The following ARHGAP32 variants were observed in gnomAD, a reference collection of about 807,000 sequenced individuals.
ARHGAP32 encodes Rho GTPase activating protein 32, also known as rho GTPase-activating protein 32.
A neutral mutation model predicts 186.5 loss-of-function variants in ARHGAP32; 51 were observed. The ratio of observed to expected loss-of-function variants is 0.27; its 90% CI spans 0.22 to 0.35. The LOEUF is 0.35. ARHGAP32 is among the 10% of genes least tolerant of loss of function. The pLI is 1.00. For missense variants in ARHGAP32, 2,186 were observed against 2,623.5 expected, an observed-to-expected ratio of 0.83 and a Z score of 3.64; for synonymous variants, 950 against 964.3, an observed-to-expected ratio of 0.99 and a Z score of 0.27.
chr11:128,996,616 T>C (rs1946207381), intron 12 of ARHGAP32, among the ~76,000 whole-genome samples: 1 of 151,880 alleles, frequency 6.6e-6, no homozygotes, highest in African/African-American at 2.4e-5. Context: ...AAAACTGCTA[T>C]TTAATTATCT....
Position 128,971,152 on chromosome 11 carries a change from C to T in ARHGAP32, c.4061G>A (p.Gly1354Glu). 1 of 1,606,734 alleles carries T rather than the reference C, an allele frequency of 6.2e-7. No homozygotes were observed. ...TGGCCTCTCTGGAACTGGAACTACT[C>T]CTTGAACCTATTGAAAGATGATAAT... ...IGLNNSHKVQGVVPVPERPPE... is the reference protein window; with the variant it reads ...IGLNNSHKVQEVVPVPERPPE... The change falls in exon 23 of 23, where the codon GGA becomes GAA. Residue 1354 changes from glycine (G) to glutamate (E), a missense_variant. By Grantham distance (98) the Gly-to-Glu change is moderately conservative. This residue lies in a region of ARHGAP32 where 1,502 missense variants were observed against 1,570.0 expected (regional missense o/e 0.96). Coordinates refer to ENST00000682385, the MANE Select transcript of ARHGAP32 (RefSeq NM_001378024.1).
chr11:129,144,623 G>A (rs546934428), intron 2 of ARHGAP32, among the ~76,000 whole-genome samples: 2 of 152,252 alleles, frequency 1.3e-5, no homozygotes, highest in Admixed American at 6.5e-5. Context: ...CAAAGAAGGT[G>A]ACAGGTAAAT....
chr11:128,975,121 A>T, intron 20 of ARHGAP32, 119 bp from the exon 21 acceptor site: 2 of 825,238 alleles, frequency 2.4e-6, no homozygotes, highest in Non-Finnish European at 3.7e-6. Flanking sequence ...GTTACTTCTC[A>T]TTTTCTTTCT....
At chr11:129,132,463 G>T in intron 2 of ARHGAP32, among the ~76,000 whole-genome samples, 1 of 150,866 alleles carries the variant, frequency 6.6e-6, no homozygotes, top group Non-Finnish European at 1.5e-5. Flanking sequence ...GAGCAACAGA[G>T]CAAGATCAGG....
At chr11:129,239,072 A>G (rs767745841) in intron 1 of ARHGAP32, among the ~76,000 whole-genome samples, 12 of 151,794 alleles carry the variant, frequency 7.9e-5, no homozygotes, top group Non-Finnish European at 8.8e-5. Flanking sequence ...CTGGTCTCAA[A>G]CCCCTGGGCT....
At chr11:129,276,146 A>G (rs1184691025) in intron 1 of ARHGAP32, among the ~76,000 whole-genome samples, 1 of 152,242 alleles carries the variant, frequency 6.6e-6, no homozygotes, top group African/African-American at 2.4e-5. Flanking sequence ...GCAGTAGCTC[A>G]CAGTCTCAAT....
chr11:129,162,201 A>T (rs1943545314), intron 2 of ARHGAP32, among the ~76,000 whole-genome samples: 1 of 152,142 alleles, frequency 6.6e-6, no homozygotes, highest in African/African-American at 2.4e-5. Flanking sequence ...TGAAGGTGAC[A>T]GGTGGATGGG....
chr11:128,992,590 A>G (rs1946089773), intron 12 of ARHGAP32, among the ~76,000 whole-genome samples: 1 of 152,094 alleles, frequency 6.6e-6, no homozygotes, highest in Non-Finnish European at 1.5e-5. Flanking sequence ...CAGCCTGGCC[A>G]ATATGGTGAA....
rs1940634810 is a variant in ARHGAP32 at position 129,064,891 on chromosome 11, C to A, written c.712G>T (p.Ala238Ser). 1 of 1,598,832 alleles carries A rather than the reference C, an allele frequency of 6.3e-7. No homozygotes were observed. Among genetic ancestry groups the A allele is most frequent in the African/African-American group, 1.3e-5 (1 of 74,614 alleles). ...MLMAYLSRLS[A>S]IAGNKINCGP... is the part of the protein sequence containing the mutation. Reference sequence around the variant, plus strand: ...CAGTTGATCTTGTTGCCAGCGATAGCTGAAAGGCGTGACAGGTAAGCCATA... The same window carrying A: ...CAGTTGATCTTGTTGCCAGCGATAGATGAAAGGCGTGACAGGTAAGCCATA... Residue 238 changes from alanine to serine, a missense_variant, in exon 8 of 23, where the codon GCT (alanine) becomes TCT (serine). Physicochemically the swap from Ala to Ser is moderately conservative, Grantham distance 99. Transcript: ENST00000682385.
intron 12 of ARHGAP32, among the ~76,000 whole-genome samples, chr11:128,996,582 T>A (rs879518468): frequency 3.3e-5 from 5 of 152,176 alleles, no homozygotes; most frequent in Non-Finnish European, 7.3e-5. Context: ...TTATATTCAG[T>A]ATGATGAAGT....
At chr11:129,006,505 C>T (rs1046883815) in intron 11 of ARHGAP32, among the ~76,000 whole-genome samples, 4 of 152,122 alleles carry the variant, frequency 2.6e-5, no homozygotes, top group South Asian at 2.1e-4. Flanking sequence ...TGGTGGTCTT[C>T]GATAAGATCC....
At chr11:129,271,492 A>C (rs1464379005) in intron 1 of ARHGAP32, among the ~76,000 whole-genome samples, 1 of 151,980 alleles carries the variant, frequency 6.6e-6, no homozygotes, top group Non-Finnish European at 1.5e-5. Flanking sequence ...AGGAAGAGTA[A>C]TTCATAGCCC....
At chr11:129,165,159 A>G (rs1214075233) in intron 1 of ARHGAP32, among the ~76,000 whole-genome samples, 1 of 152,164 alleles carries the variant, frequency 6.6e-6, no homozygotes, top group Non-Finnish European at 1.5e-5. Context: ...TGCCCCCAAA[A>G]AAGACCTAAA....
chr11:129,265,829 G>C (rs1945391023), intron 1 of ARHGAP32, among the ~76,000 whole-genome samples: 2 of 152,264 alleles, frequency 1.3e-5, no homozygotes, highest in South Asian at 4.1e-4. Context: ...AAATGAGTTT[G>C]AGGTGACCAT....
chr11:129,023,328 T>C (rs1938684083), intron 11 of ARHGAP32, among the ~76,000 whole-genome samples: 1 of 152,132 alleles, frequency 6.6e-6, no homozygotes, highest in Non-Finnish European at 1.5e-5. Context: ...GAACCATACT[T>C]GAAGGGAAAA....
intron 21 of ARHGAP32, 29 bp downstream of exon 21, chr11:128,974,095 A>G (rs1260912248): frequency 6.2e-6 from 10 of 1,606,790 alleles, no homozygotes; most frequent in Non-Finnish European, 7.7e-6. Flanking sequence ...TCTTAACTTA[A>G]AGAAAGAATG....
intron 2 of ARHGAP32, among the ~76,000 whole-genome samples, chr11:129,160,308 A>T (rs1943502576): frequency 6.6e-6 from 1 of 152,178 alleles, no homozygotes; most frequent in South Asian, 2.1e-4. Context: ...GAGGAAGTCA[A>T]ATTGTCTCTG....
intron 10 of ARHGAP32, among the ~76,000 whole-genome samples, chr11:129,060,771 C>A (rs1435859773): frequency 2.0e-5 from 3 of 151,452 alleles, no homozygotes; most frequent in Non-Finnish European, 4.4e-5. Context: ...AAAATAAAAA[C>A]CAGAATTCTT....
intron 11 of ARHGAP32, among the ~76,000 whole-genome samples, chr11:129,018,919 A>G (rs1938479070): frequency 6.6e-6 from 1 of 152,210 alleles, no homozygotes; most frequent in Non-Finnish European, 1.5e-5. Context: ...AGACTTTAAC[A>G]TAAATAAGGC....
Sources: allele counts gnomAD v4.1 joint callset (sites outside exome capture counted in the v4.1 genomes callset), GRCh38; gene constraint gnomAD v4.1.1; regional missense constraint gnomAD v4.1.1; transcripts MANE v1.5; gene names NCBI Gene and HGNC (gene_info 2026-07-23, HGNC 2026-07-21).